SH3RF2: variants seen among roughly 807,000 people sequenced by gnomAD.
SH3RF2 encodes SH3 domain containing ring finger 2, also known as E3 ubiquitin-protein ligase SH3RF2.
Under a neutral mutation model 59.0 loss-of-function variants are expected in SH3RF2, and 43 were observed. The ratio of observed to expected loss-of-function variants is 0.73; its 90% CI spans 0.57 to 0.94. SH3RF2 has a LOEUF of 0.94. SH3RF2 is among the 40% of genes least tolerant of loss of function. The probability of loss-of-function intolerance (pLI) is 0.00; values close to 1 mark genes in which losing one functional copy is unlikely to be tolerated. For missense variants in SH3RF2, 930 were observed against 940.1 expected (o/e 0.99, Z 0.14); for synonymous variants, 391 against 391.5 (o/e 1.00, Z 0.01).
At chr5:145,993,262 A>G (rs1760022443) in intron 2 of SH3RF2, among the ~76,000 whole-genome samples, 4 of 152,178 alleles carry the variant, frequency 2.6e-5, no homozygotes, top group Admixed American at 2.6e-4. Flanking sequence ...GCTGCTTTAC[A>G]CAGGCTGATG....
At chr5:145,960,790 G>A (rs1561710951) in intron 2 of SH3RF2, among the ~76,000 whole-genome samples, 1 of 152,080 alleles carries the variant, frequency 6.6e-6, no homozygotes, top group South Asian at 2.1e-4. Flanking sequence ...TTCTTACCTA[G>A]GAAGAATATT....
chr5:145,937,413 AAGG>A (rs1757630006), intron 1 of SH3RF2, among the ~76,000 whole-genome samples: 1 of 152,076 alleles, frequency 6.6e-6, no homozygotes, highest in Non-Finnish European at 1.5e-5. Context: ...GATTTAGGGG[AAGG>A]AGGAGGAGGA....
intron 2 of SH3RF2, among the ~76,000 whole-genome samples, chr5:145,952,349 A>G (rs944648009): frequency 1.3e-5 from 2 of 152,132 alleles, no homozygotes; most frequent in Non-Finnish European, 2.9e-5. Flanking sequence ...TCTAACCATA[A>G]CAAACCTTGC....
chr5:146,075,187 A>C (rs947426621), intron 9 of SH3RF2, among the ~76,000 whole-genome samples: 9 of 152,176 alleles, frequency 5.9e-5, no homozygotes, highest in African/African-American at 2.2e-4. Flanking sequence ...CTATTCTTTG[A>C]GATAATTATG....
chr5:146,065,742 G>C (rs1382922609), downstream of SH3RF2, among the ~76,000 whole-genome samples: 1 of 152,214 alleles, frequency 6.6e-6, no homozygotes, highest in Non-Finnish European at 1.5e-5. Context: ...GTTTGAAAGG[G>C]ACAAAGGATG....
chr5:146,064,862 A>AG (rs1296359684), downstream of SH3RF2, among the ~76,000 whole-genome samples: 5 of 29,780 alleles, frequency 1.7e-4, no homozygotes, highest in Non-Finnish European at 3.6e-4. Flanking sequence ...GAAAGAAAGA[A>AG]AGAGAAAGAA....
Position 146,010,457 on chromosome 5 carries a change from G to A in SH3RF2, c.745-3290G>A, listed in dbSNP as rs559117359. Among the ~76,000 whole-genome samples, 41 of 152,300 alleles carry A rather than the reference G, an allele frequency of 2.7e-4. No individual in the cohort carries two copies. In the South Asian group the frequency reaches 4.1e-3, roughly 15 times the overall value. On this transcript the variant is annotated intron_variant, in intron 4 of 9. Coordinates refer to ENST00000359120, the MANE Select transcript of SH3RF2 (RefSeq NM_152550.4). ...TAGATCCTTGAGGAATCGCCACACC[G>A]TCTTCCACAATGATTGAACTAGTTT...
At position 145,937,849 on chromosome 5, in the gene SH3RF2, C is replaced by A. The variant is rs1385429145; in HGVS notation, c.-80C>A. The stretch of plus-strand genomic sequence containing the variant: ...CAAAAATTCTGACGTTCTCAAGAGA[C>A]CAGCTCTGCCCCCGTGGCTCAACTG... On this transcript the variant is annotated 5_prime_UTR_variant, in exon 2 of 10. Coordinates refer to ENST00000359120, the MANE Select transcript of SH3RF2 (RefSeq NM_152550.4). 6.6e-7 allele frequency: 1 copy of A among 1,508,344 alleles called. No homozygotes were observed. Among genetic ancestry groups the A allele is most frequent in the Non-Finnish European group, 8.9e-7 (1 of 1,127,530 alleles). The allele number at this position is 1,508,344 out of a possible 1,614,324, so 93.4% of individuals were successfully genotyped here. A position where few individuals can be genotyped will look rare whatever the true frequency, so the allele number is the denominator to read the frequency against.
chr5:145,974,311 C>A (rs1580797297), intron 2 of SH3RF2, among the ~76,000 whole-genome samples: 1 of 152,024 alleles, frequency 6.6e-6, no homozygotes, highest in Non-Finnish European at 1.5e-5. Context: ...ATCTCATCAC[C>A]TTTTTTATGT....
intron 2 of SH3RF2, among the ~76,000 whole-genome samples, chr5:145,972,067 G>A (rs1351595709): frequency 6.6e-6 from 1 of 152,168 alleles, no homozygotes; most frequent in Non-Finnish European, 1.5e-5. Flanking sequence ...AAGCTGGGAT[G>A]TGAATCCAGA....
intron 5 of SH3RF2, among the ~76,000 whole-genome samples, chr5:146,029,081 C>G (rs1264064084): frequency 1.3e-5 from 2 of 152,210 alleles, no homozygotes; most frequent in Non-Finnish European, 2.9e-5. Flanking sequence ...GGCCCACTTT[C>G]CATTCCCACT....
Position 146,049,253 on chromosome 5 carries a change from G to A in SH3RF2, c.1322+8G>A, listed in dbSNP as rs371333971. 83 of 1,595,780 alleles carry A rather than the reference G, an allele frequency of 5.2e-5. 2 individuals carry two copies. The highest frequency in any genetic ancestry group is 2.3e-4 in the South Asian group (20 of 87,520). On this transcript the variant is annotated splice_region_variant and intron_variant, in intron 7 of 9. Transcript: ENST00000359120. ...CGTCATCCCCATTTTCAGGTGTGTC[G>A]CCTCCAATCCCAGACTTTGGGAGGT...
At chr5:146,001,103 T>C (rs1760390523) in intron 3 of SH3RF2, among the ~76,000 whole-genome samples, 1 of 152,228 alleles carries the variant, frequency 6.6e-6, no homozygotes, top group African/African-American at 2.4e-5. Flanking sequence ...CAAACATTAA[T>C]TACCCTAAGA....
chr5:146,015,941 A>C (rs1041941628), intron 5 of SH3RF2, among the ~76,000 whole-genome samples: 1 of 152,348 alleles, frequency 6.6e-6, no homozygotes, highest in African/African-American at 2.4e-5. Flanking sequence ...TCTAATGATG[A>C]GCAGAAAGTT....
intron 6 of SH3RF2, among the ~76,000 whole-genome samples, chr5:146,048,620 G>A (rs1762385975): frequency 6.6e-6 from 1 of 152,160 alleles, no homozygotes; most frequent in Non-Finnish European, 1.5e-5. Context: ...GGAGTCTGGA[G>A]GGACTTCCTG....
chr5:145,980,196 A>G (rs1400708693), intron 2 of SH3RF2, among the ~76,000 whole-genome samples: 1 of 152,208 alleles, frequency 6.6e-6, no homozygotes, highest in Non-Finnish European at 1.5e-5. Flanking sequence ...TTGATTATTC[A>G]TAGTAACAAA....
chr5:146,064,864 G>GAAAGAAAGAAAGAAAGAAAGAAAGAA (rs59357428), downstream of SH3RF2, among the ~76,000 whole-genome samples: 94 of 69,158 alleles, frequency 1.4e-3, 22 homozygotes, highest in East Asian at 4.2e-3. Flanking sequence ...AAGAAAGAAA[G>GAAAGAAAGAAAGAAAGAAAGAAAGAA]AGAAAGAAAA....
chr5:145,992,571 T>C (rs536002663), intron 2 of SH3RF2, among the ~76,000 whole-genome samples: 3 of 152,364 alleles, frequency 2.0e-5, no homozygotes, highest in South Asian at 2.1e-4. Context: ...TAGTTCCACA[T>C]GGCTGGGGAA....
chr5:145,994,342 C>T (rs61658153), intron 2 of SH3RF2, among the ~76,000 whole-genome samples: 2,511 of 152,318 alleles, frequency 0.016, 90 homozygotes, highest in African/African-American at 0.057. Context: ...TTACCCAGTT[C>T]CAAAGCTGCT....
Sources: gnomAD v4.1 joint callset for allele counts (sites outside exome capture counted in the v4.1 genomes callset) on GRCh38, gnomAD v4.1.1 for gene constraint, MANE v1.5 for transcripts, NCBI Gene and HGNC (gene_info 2026-07-23, HGNC 2026-07-21) for gene names.